APAF1: variants seen among roughly 807,000 people sequenced by gnomAD.
APAF1 encodes the protein apoptotic peptidase activating factor 1.
APAF1 carries 91 observed loss-of-function variants against 152.4 expected under a neutral mutation model. That is an observed-to-expected ratio of 0.60 (90% CI 0.50 to 0.71). The LOEUF (loss-of-function observed/expected upper bound fraction) is 0.71, where lower values mean the gene tolerates loss of function less well. APAF1 is among the 30% of genes least tolerant of loss of function. The pLI, the probability that APAF1 is intolerant of heterozygous loss-of-function variation, is 0.00. For synonymous variants in APAF1, 484 were observed against 494.1 expected, an observed-to-expected ratio of 0.98 and a Z score of 0.27; for missense variants, 1,283 against 1,472.0, an observed-to-expected ratio of 0.87 and a Z score of 2.10.
chr12:98,658,365 T>TATTG (rs1199127648), intron 4 of APAF1, among the ~76,000 whole-genome samples: 1 of 152,224 alleles, frequency 6.6e-6, no homozygotes, highest in Admixed American at 6.5e-5. Flanking sequence ...TGAAGCTTAA[T>TATTG]ATTGGTAAGT....
intron 10 of APAF1, 75 bp downstream of exon 10, chr12:98,667,719 TC>T: frequency 1.4e-6 from 2 of 1,470,956 alleles, no homozygotes; most frequent in Non-Finnish European, 1.9e-6. Context: ...GTGCTTTTTT[TC>T]TGTTATTTTT....
intron 16 of APAF1, among the ~76,000 whole-genome samples, chr12:98,698,810 A>G (rs947241304): frequency 6.6e-6 from 1 of 152,170 alleles, no homozygotes; most frequent in African/African-American, 2.4e-5. Flanking sequence ...CTTTTGTGCT[A>G]TTCAAGTGGT....
At chr12:98,686,385 TG>T (rs1295369657) in intron 15 of APAF1, among the ~76,000 whole-genome samples, 4 of 152,178 alleles carry the variant, frequency 2.6e-5, no homozygotes, top group Admixed American at 2.6e-4. Flanking sequence ...TTAAAAAATA[TG>T]GGGGTAATTT....
chr12:98,712,563 G>T, intron 21 of APAF1, 128 bp downstream of exon 21: 1 of 677,538 alleles, frequency 1.5e-6, no homozygotes, highest in Non-Finnish European at 2.6e-6. Flanking sequence ...TGTCACCCAC[G>T]CTGAGTACAG....
Position 98,723,695 on chromosome 12 carries a change from A to G in APAF1, c.3261A>G (p.Thr1087=), listed in dbSNP as rs766348548. The change falls in exon 24 of 27, where the codon ACA becomes ACG. Residue 1087 remains threonine (T), a synonymous_variant. Transcript: ENST00000551964. ...AAGACTTTGTCTGTCACCAGGGTAC[A>G]GTACTTTCTTGTGACATTTCTCACG... The part of the protein sequence containing the change: ...KEKDFVCHQG[T]VLSCDISHDA... The G allele has an allele frequency of 2.5e-6, 4 of 1,612,356 alleles. No homozygotes were observed. Among genetic ancestry groups the G allele is most frequent in the Non-Finnish European group, 2.5e-6 (3 of 1,178,858 alleles).
At chr12:98,721,991 A>G (rs998975612) in intron 22 of APAF1, among the ~76,000 whole-genome samples, 8 of 152,142 alleles carry the variant, frequency 5.3e-5, no homozygotes, top group Admixed American at 6.5e-5. Flanking sequence ...CTGTTTTCCC[A>G]TACCTCAGAA....
chr12:98,683,149 A>G lies in APAF1; in HGVS notation c.2053A>G (p.Asn685Asp). The stretch of plus-strand genomic sequence containing the variant: ...TTTTCTCTTTTCTCTTTAGATTTGG[A>G]ATTCTATGACTGGGGAACTAGTACA... ...CSVDKKVKIW[N>D]SMTGELVHTY... Residue 685 changes from asparagine to aspartate, a missense_variant, in exon 15 of 27, where the codon AAT (asparagine) becomes GAT (aspartate). Physicochemically the swap from Asn to Asp is conservative, Grantham distance 23. Coordinates refer to ENST00000551964, the MANE Select transcript of APAF1 (RefSeq NM_181861.2). The G allele has an allele frequency of 6.2e-7, 1 of 1,612,912 alleles. No individual in the cohort carries two copies. Among genetic ancestry groups the G allele is most frequent in the Non-Finnish European group, 8.5e-7 (1 of 1,179,326 alleles).
In APAF1 at chr12:98,670,956, C is replaced by T; in HGVS notation, c.1495-17C>T. On this transcript the variant is annotated splice_polypyrimidine_tract_variant and intron_variant, in intron 10 of 26. Coordinates refer to ENST00000551964, the MANE Select transcript of APAF1 (RefSeq NM_181861.2). Reference sequence around the variant, plus strand: ...ATCTCTAACAGTGCTGCTGATACTACTTTTTGTTTTTTAAAGGAACTTTGT... The same window carrying T: ...ATCTCTAACAGTGCTGCTGATACTATTTTTTGTTTTTTAAAGGAACTTTGT... 1 of 1,568,874 alleles carries T rather than the reference C, an allele frequency of 6.4e-7. No homozygotes were observed. Among genetic ancestry groups the T allele is most frequent in the Non-Finnish European group, 8.8e-7 (1 of 1,139,438 alleles).
At chr12:98,651,526 C>T (rs1471363781) in intron 4 of APAF1, among the ~76,000 whole-genome samples, 1 of 152,228 alleles carries the variant, frequency 6.6e-6, no homozygotes, top group Non-Finnish European at 1.5e-5. Flanking sequence ...TTTTACTGCT[C>T]ATTACCCTAA....
intron 19 of APAF1, among the ~76,000 whole-genome samples, chr12:98,707,711 T>C (rs568039883): frequency 2.0e-4 from 30 of 149,994 alleles, no homozygotes; most frequent in South Asian, 4.2e-4. Flanking sequence ...TATATATATA[T>C]ACATATAAAT....
intron 4 of APAF1, among the ~76,000 whole-genome samples, chr12:98,657,749 A>T (rs1262796103): frequency 1.3e-5 from 2 of 152,182 alleles, no homozygotes; most frequent in Admixed American, 6.5e-5. Context: ...TTAAGTTTGA[A>T]TCTCAACTCT....
intron 9 of APAF1, 81 bp downstream of exon 9, chr12:98,666,438 A>T: frequency 7.2e-7 from 1 of 1,398,026 alleles, no homozygotes; most frequent in East Asian, 2.3e-5. Flanking sequence ...ACAAAATAGT[A>T]GATAGTTTCT....
intron 14 of APAF1, 116 bp downstream of exon 14, chr12:98,680,518 C>T: frequency 1.0e-6 from 1 of 1,000,176 alleles, no homozygotes; most frequent in South Asian, 1.5e-5. Context: ...ATCTACTAAC[C>T]TGATTCATTG....
rs909357181 is a variant in APAF1 at position 98,666,464 on chromosome 12, AC to A, written c.1362+109del. On this transcript the variant is annotated intron_variant, in intron 9 of 26. Coordinates refer to ENST00000551964, the MANE Select transcript of APAF1 (RefSeq NM_181861.2). ...GATAGTTTCTGTGCATAAGTCCTTC[AC>A]CTAGCTTCCCCTAATATTAACATTT... 7.3e-5 allele frequency: 78 copies of A among 1,074,426 alleles called. No individual in the cohort carries two copies. In the African/African-American group the frequency reaches 1.1e-3, roughly 16 times the overall value. The allele number at this position is 1,074,426 out of a possible 1,614,324, so 66.6% of individuals were successfully genotyped here.
chr12:98,673,792 G>A (rs1389148528), intron 12 of APAF1, among the ~76,000 whole-genome samples: 9 of 152,140 alleles, frequency 5.9e-5, no homozygotes, highest in Non-Finnish European at 7.3e-5. Context: ...TCAAAATCTC[G>A]TAGTGAAGAA....
chr12:98,683,303 A>G (rs770748352), intron 15 of APAF1, 29 bp downstream of exon 15: 30 of 1,610,264 alleles, frequency 1.9e-5, no homozygotes, highest in Non-Finnish European at 2.5e-5. Context: ...AATTAGGTAG[A>G]TAAATTTGAT....
chr12:98,703,753 T>G (rs979366006), intron 18 of APAF1, among the ~76,000 whole-genome samples: 1 of 152,220 alleles, frequency 6.6e-6, no homozygotes, highest in African/African-American at 2.4e-5. Flanking sequence ...GCCTAACATG[T>G]GCCAGGAACT....
Position 98,715,462 on chromosome 12 carries a change from C to G in APAF1, c.2994C>G (p.Ser998=). 2.5e-6 allele frequency: 4 copies of G among 1,613,030 alleles called. No individual in the cohort carries two copies. The highest frequency in any genetic ancestry group is 3.4e-6 in the Non-Finnish European group (4 of 1,179,634). ...LELVNNRIFQ[S]RFQHKKTVWH... ...TTGTAAACAATAGAATCTTCCAGTC[C>G]AGGTTTCAGCACAAGAAAACTGTAT... The change falls in exon 22 of 27, where the codon TCC becomes TCG. Residue 998 remains serine, a synonymous_variant. Coordinates refer to ENST00000551964, the MANE Select transcript of APAF1 (RefSeq NM_181861.2).
intron 19 of APAF1, among the ~76,000 whole-genome samples, chr12:98,707,791 G>A (rs527377325): frequency 5.0e-4 from 76 of 151,790 alleles, no homozygotes; most frequent in African/African-American, 1.8e-3. Context: ...AAAGGTCATT[G>A]GTTCTTAACA....
Sources: gnomAD v4.1 joint callset for allele counts (sites outside exome capture counted in the v4.1 genomes callset) on GRCh38, gnomAD v4.1.1 for gene constraint, MANE v1.5 for transcripts, NCBI Gene and HGNC (gene_info 2026-07-23, HGNC 2026-07-21) for gene names.